ADRA1B: variants seen among roughly 807,000 people sequenced by gnomAD.
ADRA1B encodes the protein alpha-1B adrenergic receptor.
ADRA1B carries 17 observed loss-of-function variants against 17.9 expected under a neutral mutation model. The ratio of observed to expected loss-of-function variants is 0.95; its 90% CI spans 0.65 to 1.42. ADRA1B has a LOEUF of 1.42. ADRA1B is among the 40% of genes most tolerant of loss of function. The pLI, the probability that ADRA1B is intolerant of heterozygous loss-of-function variation, is 0.00. For synonymous variants in ADRA1B, 366 were observed against 327.6 expected, an observed-to-expected ratio of 1.12 and a Z score of -1.27; for missense variants, 681 against 722.1, an observed-to-expected ratio of 0.94 and a Z score of 0.65.
intron 1 of ADRA1B, among the ~76,000 whole-genome samples, chr5:159,906,597 G>A (rs1307082860): frequency 6.6e-6 from 1 of 152,178 alleles, no homozygotes; most frequent in Non-Finnish European, 1.5e-5. Context: ...TTTATTCCCT[G>A]TAAAGTTTGA....
downstream of ADRA1B, among the ~76,000 whole-genome samples, chr5:159,974,785 A>C (rs73317430): frequency 4.4e-3 from 664 of 152,292 alleles, 7 homozygotes; most frequent in African/African-American, 0.015. Context: ...ACCCTTGTGT[A>C]AGATCTCACT....
chr5:159,917,783 C>G lies in ADRA1B; in HGVS notation c.878C>G (p.Ala293Gly), dbSNP rs1754367724. ...LFKFSREKKAAKTLGIVVGMF... is the reference protein window; with the variant it reads ...LFKFSREKKAGKTLGIVVGMF... ...AAGTTCTCCAGGGAAAAGAAAGCAGCTAAGACGTTGGGCATTGTGGTCGGT... is the reference window on the plus strand; with the variant it reads ...AAGTTCTCCAGGGAAAAGAAAGCAGGTAAGACGTTGGGCATTGTGGTCGGT... The change falls in exon 1 of 2, where the codon GCT (alanine) becomes GGT (glycine). Residue 293 changes from alanine to glycine, a missense_variant. Coordinates refer to ENST00000306675, the MANE Select transcript of ADRA1B (RefSeq NM_000679.4). 6.2e-7 allele frequency: 1 copy of G among 1,613,918 alleles called. No homozygotes were observed. The highest frequency in any genetic ancestry group is 8.5e-7 in the Non-Finnish European group (1 of 1,180,034).
intron 1 of ADRA1B, chr5:159,955,237 A>G (rs1755530325): frequency 2.0e-6 from 2 of 978,034 alleles, no homozygotes; most frequent in African/African-American, 1.7e-5. Flanking sequence ...CAAGGAAGGT[A>G]TGAGTCCCAT....
At chr5:159,881,529 C>A (rs1432676) in intron 1 of ADRA1B, among the ~76,000 whole-genome samples, 42,194 of 151,966 alleles carry the variant, frequency 0.28, 6,184 homozygotes, top group Non-Finnish European at 0.32. Context: ...ATGACAGAGG[C>A]TCTGTGTCCC....
At chr5:159,930,567 A>T (rs545833866) in intron 1 of ADRA1B, among the ~76,000 whole-genome samples, 1 of 152,346 alleles carries the variant, frequency 6.6e-6, no homozygotes, top group East Asian at 1.9e-4. Context: ...TGACAGGGTG[A>T]GGCTCCATCT....
intron 1 of ADRA1B, among the ~76,000 whole-genome samples, chr5:159,874,613 C>T (rs1466944149): frequency 6.6e-6 from 1 of 152,200 alleles, no homozygotes; most frequent in East Asian, 1.9e-4. Context: ...TCTCTGAAGT[C>T]TTGCAACAAA....
chr5:159,879,388 G>A (rs1169548936), intron 1 of ADRA1B, among the ~76,000 whole-genome samples: 6 of 152,118 alleles, frequency 3.9e-5, no homozygotes, highest in Admixed American at 3.9e-4. Context: ...ACGACGGTGG[G>A]AATGACATCT....
At chr5:159,987,534 G>T in the ADRA1B span, among the ~76,000 whole-genome samples, 1 of 152,246 alleles carries the variant, frequency 6.6e-6, no homozygotes, top group African/African-American at 2.4e-5. Context: ...CGGCGTTGAG[G>T]TGGACCCGCG....
At chr5:159,901,410 G>A (rs1342714239) in intron 1 of ADRA1B, among the ~76,000 whole-genome samples, 1 of 116,138 alleles carries the variant, frequency 8.6e-6, no homozygotes, top group East Asian at 3.2e-4. Flanking sequence ...GGAGGAAGGG[G>A]AGGAGAAGGG....
chr5:159,877,492 G>C (rs1753816153), intron 1 of ADRA1B, among the ~76,000 whole-genome samples: 1 of 152,108 alleles, frequency 6.6e-6, no homozygotes, highest in South Asian at 2.1e-4. Context: ...CTCCATGTTG[G>C]CGTCATGCTC....
intron 1 of ADRA1B, among the ~76,000 whole-genome samples, chr5:159,960,043 A>G (rs955816321): frequency 3.5e-4 from 54 of 152,314 alleles, no homozygotes; most frequent in Middle Eastern, 3.4e-3. Flanking sequence ...ACGGAACCCA[A>G]GGCGTTACAC....
intron 1 of ADRA1B, among the ~76,000 whole-genome samples, chr5:159,929,687 G>C (rs1057275949): frequency 6.6e-6 from 1 of 151,522 alleles, no homozygotes; most frequent in Admixed American, 6.6e-5. Flanking sequence ...ATTACTTGTA[G>C]CAATTTTTAA....
chr5:159,956,235 G>A (rs530207276), intron 1 of ADRA1B, among the ~76,000 whole-genome samples: 3 of 152,238 alleles, frequency 2.0e-5, no homozygotes, highest in East Asian at 1.9e-4. Context: ...GAGGAGACCC[G>A]TTTCAAAGTA....
chr5:159,919,084 A>G (rs953679438), intron 1 of ADRA1B, among the ~76,000 whole-genome samples: 2 of 152,198 alleles, frequency 1.3e-5, no homozygotes, highest in Admixed American at 1.3e-4. Flanking sequence ...AAAGGAAGCA[A>G]ACAGATATCG....
At chr5:159,947,198 G>T (rs13188527) in intron 1 of ADRA1B, among the ~76,000 whole-genome samples, 1 of 151,958 alleles carries the variant, frequency 6.6e-6, no homozygotes, top group African/African-American at 2.4e-5. Flanking sequence ...AAAAATTAGC[G>T]AGGTGTGGTG....
chr5:159,890,070 A>G (rs1400407809), intron 1 of ADRA1B, among the ~76,000 whole-genome samples: 1 of 152,194 alleles, frequency 6.6e-6, no homozygotes, highest in Non-Finnish European at 1.5e-5. Flanking sequence ...TGCAATCTCC[A>G]GACATGACCT....
At position 159,875,095 on chromosome 5, in the gene ADRA1B, C is replaced by T. The variant is rs117918063; in HGVS notation, c.-256+9889C>T. On this transcript the variant is annotated intron_variant, in intron 1 of 2. Coordinates refer to the ADRA1B transcript ENST00000641205. ...TTGGTGGTATAGGTCCCCTCCACCCCGATTCTTAGAGCCTGAGCCACACTG... is the reference window on the plus strand; with the variant it reads ...TTGGTGGTATAGGTCCCCTCCACCCTGATTCTTAGAGCCTGAGCCACACTG... Among the ~76,000 whole-genome samples the T allele has an allele frequency of 2.2e-4, 33 of 152,078 alleles. No homozygotes were observed. The East Asian group carries it at 5.8e-3, about 27-fold the overall frequency.
chr5:159,916,423 C>G (rs2113142958), upstream of ADRA1B: 1 of 151,840 alleles, frequency 6.6e-6, no homozygotes. Context: ...CCCGCATTGC[C>G]CCCTAGTGCC....
At chr5:159,883,505 G>T (rs1753885505) in intron 1 of ADRA1B, among the ~76,000 whole-genome samples, 1 of 152,192 alleles carries the variant, frequency 6.6e-6, no homozygotes, top group African/African-American at 2.4e-5. Context: ...TTTGGTTGAA[G>T]AAATTTAGCC....
Sources: allele counts gnomAD v4.1 joint callset (sites outside exome capture counted in the v4.1 genomes callset), GRCh38; gene constraint gnomAD v4.1.1; transcripts MANE v1.5; gene names NCBI Gene and HGNC (gene_info 2026-07-23, HGNC 2026-07-21).